Variants in CCDC7 observed in about 807,000 individuals in gnomAD.
CCDC7 encodes coiled-coil domain containing 7, also known as coiled-coil domain-containing protein 7.
A neutral mutation model predicts 196.9 loss-of-function variants in CCDC7; 183 were observed. That is an observed-to-expected ratio of 0.93 (90% CI 0.82 to 1.05). The LOEUF is 1.05. Among genes scored for constraint, CCDC7 ranks in the 50% least tolerant of loss-of-function variants. CCDC7 has a pLI of 0.00. For missense variants in CCDC7, 1,540 were observed against 1,482.2 expected, an observed-to-expected ratio of 1.04 and a Z score of -0.64; for synonymous variants, 525 against 484.6, an observed-to-expected ratio of 1.08 and a Z score of -1.10.
At chr10:32,822,235 A>G (rs963220710) in intron 31 of CCDC7, among the ~76,000 whole-genome samples, 1 of 152,198 alleles carries the variant, frequency 6.6e-6, no homozygotes, top group African/African-American at 2.4e-5. Flanking sequence ...ATGTACAAAT[A>G]TATATTCCAC....
At chr10:32,651,683 A>T (rs773261942) in intron 20 of CCDC7, among the ~76,000 whole-genome samples, 9 of 152,038 alleles carry the variant, frequency 5.9e-5, no homozygotes, top group Non-Finnish European at 1.0e-4. Context: ...AGTTTATTGC[A>T]GGGTTGGAAT....
intron 28 of CCDC7, among the ~76,000 whole-genome samples, chr10:32,772,038 C>T (rs1159618213): frequency 1.3e-5 from 2 of 152,132 alleles, no homozygotes; most frequent in African/African-American, 2.4e-5. Context: ...ATGTAGCTTT[C>T]AAGAGATTCT....
chr10:32,604,231 A>G (rs1206783464), intron 18 of CCDC7, among the ~76,000 whole-genome samples: 2 of 152,134 alleles, frequency 1.3e-5, no homozygotes, highest in Non-Finnish European at 2.9e-5. Context: ...ACCTTTGTAA[A>G]AAGTGAGTTG....
intron 28 of CCDC7, among the ~76,000 whole-genome samples, chr10:32,744,474 T>C (rs552507253): frequency 2.0e-4 from 30 of 152,214 alleles, no homozygotes; most frequent in Non-Finnish European, 4.1e-4. Context: ...CTACACGTTC[T>C]TTTCTGCATT....
At chr10:32,654,365 A>G (rs1038077744) in intron 20 of CCDC7, among the ~76,000 whole-genome samples, 2 of 151,952 alleles carry the variant, frequency 1.3e-5, no homozygotes, top group African/African-American at 2.4e-5. Flanking sequence ...TGTATTGGCT[A>G]TTTTCTTGTT....
At chr10:32,810,129 A>G (rs1381142636) in intron 30 of CCDC7, among the ~76,000 whole-genome samples, 5 of 152,192 alleles carry the variant, frequency 3.3e-5, no homozygotes, top group Non-Finnish European at 5.9e-5. Flanking sequence ...AGAGAAAGAA[A>G]GAAACAAAGG....
chr10:32,585,680 C>G (rs1322342696), intron 18 of CCDC7, among the ~76,000 whole-genome samples: 5 of 152,162 alleles, frequency 3.3e-5, no homozygotes, highest in Non-Finnish European at 7.3e-5. Context: ...CTGGCTTCAT[C>G]CACGTCCCTG....
At chr10:32,724,227 G>T (rs1456873663) in intron 25 of CCDC7, among the ~76,000 whole-genome samples, 8 of 152,026 alleles carry the variant, frequency 5.3e-5, no homozygotes, top group Non-Finnish European at 2.9e-5. Flanking sequence ...CTCTTGCAAA[G>T]GATTCATTGG....
At chr10:32,855,034 C>T (rs2093696206) in intron 41 of CCDC7, among the ~76,000 whole-genome samples, 1 of 152,100 alleles carries the variant, frequency 6.6e-6, no homozygotes, top group Non-Finnish European at 1.5e-5. Context: ...CTAGTAAATG[C>T]ATGAAATGCC....
intron 16 of CCDC7, chr10:32,574,325 ATATAT>A: frequency 1.8e-6 from 1 of 544,406 alleles, no homozygotes. Flanking sequence ...TAATAATATA[ATATAT>A]TACATATTAT....
intron 13 of CCDC7, among the ~76,000 whole-genome samples, chr10:32,559,817 A>G (rs1159902600): frequency 1.3e-5 from 2 of 152,248 alleles, no homozygotes; most frequent in Non-Finnish European, 1.5e-5. Flanking sequence ...AGAAAGCTGG[A>G]TGGAGAATGA....
intron 25 of CCDC7, among the ~76,000 whole-genome samples, chr10:32,722,732 G>C (rs1217508929): frequency 2.0e-5 from 3 of 151,962 alleles, no homozygotes; most frequent in African/African-American, 7.3e-5. Flanking sequence ...ATCACATTCT[G>C]AGATACTGAG....
intron 28 of CCDC7, among the ~76,000 whole-genome samples, chr10:32,763,429 T>C (rs2077763361): frequency 2.0e-5 from 3 of 151,896 alleles, no homozygotes; most frequent in Admixed American, 6.6e-5. Context: ...AGGGAGTTTC[T>C]TTAAAAAATT....
intron 20 of CCDC7, among the ~76,000 whole-genome samples, chr10:32,648,235 A>G (rs1452369420): frequency 6.6e-6 from 1 of 152,042 alleles, no homozygotes; most frequent in Non-Finnish European, 1.5e-5. Context: ...TTGTGGCTTT[A>G]TAGTATAGTT....
At chr10:32,662,986 G>A (rs1247841702) in intron 20 of CCDC7, among the ~76,000 whole-genome samples, 1 of 150,692 alleles carries the variant, frequency 6.6e-6, no homozygotes. Context: ...CACCACAGTT[G>A]GACCAAATTA....
At chr10:32,451,546 A>C (rs1588665932), upstream of CCDC7, 5 of 1,458,046 alleles carry the variant, frequency 3.4e-6, no homozygotes, top group East Asian at 1.2e-4. Flanking sequence ...ATGTGAATTT[A>C]ATTAGAGCCT....
At chr10:32,630,358 A>G (rs2064686040) in intron 18 of CCDC7, among the ~76,000 whole-genome samples, 1 of 152,060 alleles carries the variant, frequency 6.6e-6, no homozygotes, top group African/African-American at 2.4e-5. Context: ...ATATATATGT[A>G]TGTGTATATA....
intron 32 of CCDC7, among the ~76,000 whole-genome samples, chr10:32,826,005 C>T (rs925699458): frequency 6.6e-6 from 1 of 152,170 alleles, no homozygotes; most frequent in African/African-American, 2.4e-5. Flanking sequence ...AACATCCTTT[C>T]CCCAACCCAT....
At chr10:32,510,888 C>T (rs2046006460) in intron 9 of CCDC7, among the ~76,000 whole-genome samples, 1 of 151,768 alleles carries the variant, frequency 6.6e-6, no homozygotes, top group Admixed American at 6.6e-5. Flanking sequence ...TAAGTCATTT[C>T]ATGCTTTCTT....
Sources: gnomAD v4.1 joint callset for allele counts (sites outside exome capture counted in the v4.1 genomes callset) on GRCh38, gnomAD v4.1.1 for gene constraint, MANE v1.5 for transcripts, NCBI Gene and HGNC (gene_info 2026-07-23, HGNC 2026-07-21) for gene names.